ENTHD1: variants seen among roughly 807,000 people sequenced by gnomAD.
ENTHD1 encodes the protein ENTH domain-containing protein 1.
A neutral mutation model predicts 39.1 loss-of-function variants in ENTHD1; 23 were observed. That is an observed-to-expected ratio of 0.59 (90% confidence interval 0.42 to 0.83). The LOEUF (loss-of-function observed/expected upper bound fraction) is 0.83, where lower values mean the gene tolerates loss of function less well. Ranked by LOEUF, ENTHD1 falls within the 40% of genes least tolerant of loss-of-function variation. The probability of loss-of-function intolerance (pLI) is 0.00; values close to 1 mark genes in which losing one functional copy is unlikely to be tolerated. For missense variants in ENTHD1, 624 were observed against 705.4 expected (o/e 0.88, Z 1.31); for synonymous variants, 230 against 258.2 (o/e 0.89, Z 1.05).
At chr22:39,789,313 C>T (rs2065485200) in intron 5 of ENTHD1, among the ~76,000 whole-genome samples, 1 of 152,130 alleles carries the variant, frequency 6.6e-6, no homozygotes, top group East Asian at 1.9e-4. Flanking sequence ...CTTTCTCTTG[C>T]TCCCCTCACC....
chr22:39,893,471 A>T (rs1478653159), intron 1 of ENTHD1: 1 of 152,212 alleles, frequency 6.6e-6, no homozygotes, highest in African/African-American at 2.4e-5. Context: ...CCGGCAGTGG[A>T]GGGGAAGGCT....
intron 5 of ENTHD1, among the ~76,000 whole-genome samples, chr22:39,818,632 T>A (rs959737336): frequency 2.0e-5 from 3 of 152,176 alleles, no homozygotes; most frequent in Admixed American, 6.5e-5. Context: ...AGTGGAGAAC[T>A]GTTGAAAGCT....
chr22:39,816,489 A>G (rs556872400), intron 5 of ENTHD1, among the ~76,000 whole-genome samples: 111 of 152,310 alleles, frequency 7.3e-4, no homozygotes, highest in Non-Finnish European at 8.1e-4. Flanking sequence ...AATTAAACAG[A>G]CCAGAACAAG....
intron 2 of ENTHD1, among the ~76,000 whole-genome samples, chr22:39,882,526 T>C (rs187560173): frequency 2.6e-5 from 4 of 152,244 alleles, no homozygotes; most frequent in African/African-American, 7.2e-5. Flanking sequence ...GAAAAGTAGA[T>C]TGGAAACATG....
chr22:39,848,409 A>G (rs2066008492), intron 3 of ENTHD1, among the ~76,000 whole-genome samples: 1 of 152,044 alleles, frequency 6.6e-6, no homozygotes, highest in African/African-American at 2.4e-5. Context: ...ATGCACCACC[A>G]TGCCCAGCTA....
chr22:39,844,394 A>G (rs927977477), intron 3 of ENTHD1, among the ~76,000 whole-genome samples: 1 of 152,174 alleles, frequency 6.6e-6, no homozygotes, highest in Non-Finnish European at 1.5e-5. Context: ...TCACTTAAGA[A>G]TAATGAGAAA....
At chr22:39,844,711 T>C (rs2065973102) in intron 3 of ENTHD1, among the ~76,000 whole-genome samples, 1 of 152,002 alleles carries the variant, frequency 6.6e-6, no homozygotes, top group Non-Finnish European at 1.5e-5. Context: ...ACTGGTAAGA[T>C]GACAAAAATC....
At chr22:39,798,237 C>T (rs1331321313) in intron 5 of ENTHD1, among the ~76,000 whole-genome samples, 1 of 151,794 alleles carries the variant, frequency 6.6e-6, no homozygotes, top group African/African-American at 2.4e-5. Flanking sequence ...TGTTGAAGCT[C>T]TTTAATAACT....
intron 1 of ENTHD1, among the ~76,000 whole-genome samples, chr22:39,889,478 T>C (rs1454496394): frequency 6.6e-6 from 1 of 152,192 alleles, no homozygotes; most frequent in Non-Finnish European, 1.5e-5. Flanking sequence ...GTGTACCAAA[T>C]TGATTTCAAG....
rs563604703 is a variant in ENTHD1, at chr22:39,746,138, C to T, written c.1220-1855G>A. On this transcript the variant is annotated intron_variant, in intron 6 of 6. Coordinates refer to ENST00000325157, the MANE Select transcript of ENTHD1 (RefSeq NM_152512.4). ...TCTGTTGTCTCTTTCAAAACCTCCT[C>T]TTGTCAGATGTTAGATCTCTTGGAC... 4.6e-5 allele frequency among the ~76,000 whole-genome samples: 7 copies of T among 152,258 alleles called. No homozygotes were observed. The East Asian group carries it at 9.6e-4, about 21-fold the overall frequency.
chr22:39,745,365 A>T (rs2065095247), intron 6 of ENTHD1, among the ~76,000 whole-genome samples: 1 of 152,190 alleles, frequency 6.6e-6, no homozygotes, highest in Non-Finnish European at 1.5e-5. Flanking sequence ...ATGAGAACAC[A>T]TGGCTTATTT....
chr22:39,760,864 C>A (rs1386343134), intron 6 of ENTHD1, among the ~76,000 whole-genome samples: 3 of 152,000 alleles, frequency 2.0e-5, no homozygotes, highest in Admixed American at 2.0e-4. Context: ...ATATAGAAAT[C>A]TTTCAATGGT....
rs886599382 is a variant in ENTHD1 at position 39,879,360 on chromosome 22, G to C, written c.349+8040C>G. On this transcript the variant is annotated intron_variant, in intron 2 of 6. Coordinates refer to ENST00000325157, the MANE Select transcript of ENTHD1 (RefSeq NM_152512.4). ...TACCTGTAGTCCCAGCTACTTGGGAGGCTGAGGCAGGAGAATGGTGGGAAC... is the reference window on the plus strand; with the variant it reads ...TACCTGTAGTCCCAGCTACTTGGGACGCTGAGGCAGGAGAATGGTGGGAAC... Among the ~76,000 whole-genome samples the C allele has an allele frequency of 2.8e-4, 43 of 150,982 alleles. 2 individuals carry two copies. The highest frequency in any genetic ancestry group is 1.5e-5 in the Non-Finnish European group (1 of 67,854).
intron 1 of ENTHD1, among the ~76,000 whole-genome samples, chr22:39,888,636 G>C (rs941325366): frequency 6.6e-6 from 1 of 151,926 alleles, no homozygotes; most frequent in African/African-American, 2.4e-5. Context: ...CCATGTTGGC[G>C]AGGCTGGTCT....
Position 39,867,742 on chromosome 22 carries a change from G to A in ENTHD1, c.350-5735C>T, listed in dbSNP as rs899401527. Among the ~76,000 whole-genome samples, 20 of 151,942 alleles carry A rather than the reference G, an allele frequency of 1.3e-4. No homozygotes were observed. The highest frequency in any genetic ancestry group is 4.6e-4 in the African/African-American group (19 of 41,434). On this transcript the variant is annotated intron_variant, in intron 2 of 6. Coordinates refer to ENST00000325157, the MANE Select transcript of ENTHD1 (RefSeq NM_152512.4). The surrounding 1 kb of genome is among the most constrained non-coding windows in gnomAD (Gnocchi z 4.5). ...AACCTTCAGTTGGTTGCAGTGAGCCGAGATCGCGCCATTGCACTCCAGCCT... is the reference window on the plus strand; with the variant it reads ...AACCTTCAGTTGGTTGCAGTGAGCCAAGATCGCGCCATTGCACTCCAGCCT...
chr22:39,773,967 C>A (rs1046630713), intron 5 of ENTHD1, among the ~76,000 whole-genome samples: 2 of 152,134 alleles, frequency 1.3e-5, no homozygotes, highest in Admixed American at 6.5e-5. Context: ...AGGCTGTACA[C>A]AATGTGCTGT....
In ENTHD1 at chr22:39,765,347, G is replaced by A; in HGVS notation, c.1095C>T (p.Leu365=). The A allele has an allele frequency of 6.2e-7, 1 of 1,613,966 alleles. No homozygotes were observed. Among genetic ancestry groups the A allele is most frequent in the South Asian group, 1.1e-5 (1 of 91,068 alleles). Reference sequence around the variant, plus strand: ...ATATTTTGAATGAGGGAGAGAGACAGAGTGTTTCTACAGAGGCCTGGTTAT... The same window carrying A: ...ATATTTTGAATGAGGGAGAGAGACAAAGTGTTTCTACAGAGGCCTGGTTAT... ...TFHNQASVET[L]CLSPSFKIFD... is the part of the protein sequence containing the mutation. The change falls in exon 6 of 7, where the codon CTC becomes CTT. Residue 365 remains leucine, a synonymous_variant. Coordinates refer to ENST00000325157, the MANE Select transcript of ENTHD1 (RefSeq NM_152512.4).
chr22:39,759,599 T>G (rs1476753803), intron 6 of ENTHD1, among the ~76,000 whole-genome samples: 1 of 152,096 alleles, frequency 6.6e-6, no homozygotes, highest in Non-Finnish European at 1.5e-5. Flanking sequence ...TGTTGTTTAC[T>G]TCCTTTTACT....
chr22:39,805,785 G>A (rs1004248729), intron 5 of ENTHD1, among the ~76,000 whole-genome samples: 1 of 152,132 alleles, frequency 6.6e-6, no homozygotes, highest in African/African-American at 2.4e-5. Flanking sequence ...TCTGCCACAG[G>A]AAATTTAAGA....
Sources: allele counts gnomAD v4.1 joint callset (sites outside exome capture counted in the v4.1 genomes callset), GRCh38; gene constraint gnomAD v4.1.1; non-coding constraint Gnocchi (gnomAD v3.1); transcripts MANE v1.5; gene names NCBI Gene and HGNC (gene_info 2026-07-23, HGNC 2026-07-21).